The following MYOM2 variants were observed in gnomAD, a reference collection of about 807,000 sequenced individuals.
MYOM2 encodes the protein myomesin 2, also known as myomesin-2.
A neutral mutation model predicts 187.6 loss-of-function variants in MYOM2; 254 were observed. That is an observed-to-expected ratio of 1.35 (90% confidence interval 1.22 to 1.50). The LOEUF is 1.50. Ranked by LOEUF, MYOM2 falls within the 40% of genes most tolerant of loss-of-function variation. The pLI is 0.00. For missense variants in MYOM2, 2,796 were observed against 1,924.0 expected (o/e 1.45, Z -8.48); for synonymous variants, 981 against 753.8 (o/e 1.30, Z -4.94).
At position 2,109,239 on chromosome 8, in the gene MYOM2, T is replaced by A. The variant is rs187761466; in HGVS notation, c.3044-156T>A. The A allele has an allele frequency of 1.2e-4, 107 of 918,724 alleles. No homozygotes were observed. In the African/African-American group the frequency reaches 1.6e-3, roughly 14 times the overall value. 56.9% of individuals were successfully genotyped at this position (918,724 alleles called of 1,614,324 possible). On this transcript the variant is annotated intron_variant, in intron 24 of 36. Transcript: ENST00000262113. ...GAGGCAACAACAGGCCAGCTCAAGT[T>A]TTATTTTATATTTTTAGCTTCCATA...
rs772384034 is a variant in MYOM2 at position 2,123,306 on chromosome 8, T to C, written c.3508T>C (p.Tyr1170His). The change falls in exon 29 of 37, where the codon TAT becomes CAT. Residue 1170 changes from tyrosine (Y) to histidine (H), a missense_variant. Tyr to His is a moderately conservative substitution (Grantham distance 83). Transcript: ENST00000262113. ...CAAATGGCTCAAGGATGATGTTCTG[T>C]ATGAAACGGAGACACTGCCTAACCT... The part of the protein sequence containing the change: ...VFKWLKDDVL[Y>H]ETETLPNLER... 17 of 1,614,110 alleles carry C rather than the reference T, an allele frequency of 1.1e-5. No homozygotes were observed. Among genetic ancestry groups the C allele is most frequent in the Non-Finnish European group, 1.4e-5 (16 of 1,180,016 alleles).
intron 2 of MYOM2, among the ~76,000 whole-genome samples, chr8:2,051,427 G>A (rs1430825333): frequency 2.6e-5 from 4 of 152,186 alleles, no homozygotes; most frequent in East Asian, 3.9e-4. Flanking sequence ...CACTGTTTGT[G>A]TAGCAGCAAA....
At chr8:2,124,677 AC>A (rs1431412081) in intron 31 of MYOM2, among the ~76,000 whole-genome samples, 1 of 151,974 alleles carries the variant, frequency 6.6e-6, no homozygotes, top group African/African-American at 2.4e-5. Flanking sequence ...GAAACTCCAC[AC>A]TCTTTTCTAT....
At chr8:2,085,518 C>CCCTACTGTTGTGATCTCTGCGTGG (rs1819813484) in intron 14 of MYOM2, 128 bp downstream of exon 14, 7 of 620,176 alleles carry the variant, frequency 1.1e-5, no homozygotes, top group Non-Finnish European at 1.6e-5. Context: ...CCGCGTGGCC[C>CCCTACTGTTGTGATCTCTGCGTGG]CCCACTGTTG....
intron 3 of MYOM2, among the ~76,000 whole-genome samples, chr8:2,055,156 A>G (rs201954777): frequency 6.8e-6 from 1 of 147,918 alleles, no homozygotes; most frequent in Non-Finnish European, 1.5e-5. Context: ...ATACTGGGGG[A>G]ACCAAGTACC....
intron 3 of MYOM2, among the ~76,000 whole-genome samples, chr8:2,055,061 A>T (rs1285076803): frequency 4.6e-5 from 5 of 109,816 alleles, no homozygotes; most frequent in Non-Finnish European, 1.1e-4. Context: ...TACTGGGGGA[A>T]CGAAGTACCT....
chr8:2,122,524 T>C (rs773528048), intron 28 of MYOM2, among the ~76,000 whole-genome samples: 22 of 152,256 alleles, frequency 1.4e-4, no homozygotes, highest in Admixed American at 7.2e-4. Context: ...CTGATGACAC[T>C]GTTGAATCAT....
intron 1 of MYOM2, among the ~76,000 whole-genome samples, chr8:2,045,421 A>G (rs552305808): frequency 6.6e-6 from 1 of 152,228 alleles, no homozygotes; most frequent in East Asian, 1.9e-4. Context: ...GCCGTTTAGC[A>G]CCCTGCGGCG....
At chr8:2,132,471 A>C (rs749090179) in intron 32 of MYOM2, among the ~76,000 whole-genome samples, 2 of 152,242 alleles carry the variant, frequency 1.3e-5, no homozygotes, top group Non-Finnish European at 2.9e-5. Flanking sequence ...TCTCTTACTG[A>C]AAGGTGAGAT....
intron 1 of MYOM2, among the ~76,000 whole-genome samples, chr8:2,045,823 A>G (rs933196868): frequency 6.6e-6 from 1 of 152,202 alleles, no homozygotes; most frequent in Non-Finnish European, 1.5e-5. Context: ...TTGAAATGCA[A>G]CCTGCTGGAG....
At chr8:2,094,606 G>C (rs113298368) in intron 17 of MYOM2, among the ~76,000 whole-genome samples, 2 of 152,170 alleles carry the variant, frequency 1.3e-5, no homozygotes, top group Admixed American at 1.3e-4. Flanking sequence ...AGCCAAGATC[G>C]TGCCACTGTA....
chr8:2,124,260 A>T, intron 31 of MYOM2, 43 bp downstream of exon 31: 2 of 1,571,616 alleles, frequency 1.3e-6, no homozygotes, highest in Non-Finnish European at 1.7e-6. Context: ...TGGGGTGCTG[A>T]AATCACTATT....
chr8:2,053,175 A>C (rs1818548714), intron 3 of MYOM2, among the ~76,000 whole-genome samples: 1 of 152,268 alleles, frequency 6.6e-6, no homozygotes, highest in Non-Finnish European at 1.5e-5. Flanking sequence ...TTTCATTTTG[A>C]AAGTTTCAGA....
At position 2,086,417 on chromosome 8, in the gene MYOM2, C is replaced by T. The variant is rs1007497162; in HGVS notation, c.1644+1027C>T. 1.0e-4 allele frequency among the ~76,000 whole-genome samples: 10 copies of T among 98,596 alleles called. 1 individual carries two copies. The highest frequency in any genetic ancestry group is 2.4e-4 in the Admixed American group (2 of 8,450). The allele number at this position is 98,596 out of a possible 152,430, so 64.7% of individuals were successfully genotyped here. On this transcript the variant is annotated intron_variant, in intron 14 of 36. Transcript: ENST00000262113. Reference sequence around the variant, plus strand: ...CTGTTGTGATCTCTGCGTGGCCTCCCACTGTTGTGATCTCTGCGTGGCCCC... The same window carrying T: ...CTGTTGTGATCTCTGCGTGGCCTCCTACTGTTGTGATCTCTGCGTGGCCCC...
intron 3 of MYOM2, among the ~76,000 whole-genome samples, chr8:2,056,407 C>G (rs13264316): frequency 0.9 from 137,488 of 152,152 alleles, 62,385 homozygotes; most frequent in East Asian, 1. Flanking sequence ...TGAAAGAGCT[C>G]CTGCAGGGTT....
intron 12 of MYOM2, among the ~76,000 whole-genome samples, 165 bp downstream of exon 12, chr8:2,079,098 T>C (rs1819534329): frequency 6.6e-6 from 1 of 152,082 alleles, no homozygotes; most frequent in Non-Finnish European, 1.5e-5. Context: ...TCCACCAACA[T>C]CACTACAGGA....
At chr8:2,102,076 C>G (rs1796728525) in intron 20 of MYOM2, 1 of 152,330 alleles carries the variant, frequency 6.6e-6, no homozygotes, top group African/African-American at 2.4e-5. Context: ...CTGGGTCCGG[C>G]ACCTGAGCAC....
chr8:2,143,684 G>T (rs918526183), intron 36 of MYOM2, among the ~76,000 whole-genome samples: 14 of 152,102 alleles, frequency 9.2e-5, no homozygotes, highest in African/African-American at 3.4e-4. Context: ...CCACAAACCT[G>T]TGTTCAGAGG....
chr8:2,073,296 G>C (rs377113162), intron 9 of MYOM2, 43 bp from the exon 10 acceptor site: 61 of 1,576,180 alleles, frequency 3.9e-5, no homozygotes, highest in Non-Finnish European at 5.2e-5. Flanking sequence ...TTGCCTGCTG[G>C]GGTGATTTTG....
Sources: gnomAD v4.1 joint callset for allele counts (sites outside exome capture counted in the v4.1 genomes callset) on GRCh38, gnomAD v4.1.1 for gene constraint, MANE v1.5 for transcripts, NCBI Gene and HGNC (gene_info 2026-07-23, HGNC 2026-07-21) for gene names.